DPY19L3: variants seen among roughly 807,000 people sequenced by gnomAD.
The protein encoded by DPY19L3 is dpy-19 like C-mannosyltransferase 3, also known as protein C-mannosyl-transferase DPY19L3.
Under a neutral mutation model 92.3 loss-of-function variants are expected in DPY19L3, and 51 were observed. That is an observed-to-expected ratio of 0.55 (90% CI 0.44 to 0.70). The LOEUF (loss-of-function observed/expected upper bound fraction) is 0.70, where lower values mean the gene tolerates loss of function less well. Among genes scored for constraint, DPY19L3 ranks in the 30% least tolerant of loss-of-function variants. The pLI is 0.00. For missense variants in DPY19L3, 706 were observed against 855.9 expected (o/e 0.82, Z 2.18); for synonymous variants, 309 against 315.2 (o/e 0.98, Z 0.21).
intron 3 of DPY19L3, among the ~76,000 whole-genome samples, chr19:32,418,066 C>G (rs1192521820): frequency 6.6e-6 from 1 of 152,110 alleles, no homozygotes. Context: ...GAGATTGTTT[C>G]AGGAGCGTGT....
chr19:32,468,873 C>A (rs938115132), intron 16 of DPY19L3, 60 bp downstream of exon 16: 2 of 1,511,776 alleles, frequency 1.3e-6, no homozygotes, highest in Non-Finnish European at 1.8e-6. Flanking sequence ...CACTATAGAC[C>A]ACATTTCGTT....
chr19:32,479,394 TG>T (rs1417683834), intron 17 of DPY19L3, among the ~76,000 whole-genome samples: 1 of 152,078 alleles, frequency 6.6e-6, no homozygotes, highest in African/African-American at 2.4e-5. Flanking sequence ...TCTCCTTTCC[TG>T]TCTCAGTACT....
chr19:32,443,193 C>T (rs569502569), intron 8 of DPY19L3, among the ~76,000 whole-genome samples: 4 of 152,280 alleles, frequency 2.6e-5, no homozygotes, highest in South Asian at 2.1e-4. Flanking sequence ...CTGTAGAGAG[C>T]CTGAACTTTC....
chr19:32,411,177 GA>G lies in DPY19L3; in HGVS notation c.104-60del. ...TTAGCTTACTTGATAATCTGAAGTA[GA>G]ACTATTACATTCTGATTTTTTTACT... is the stretch of plus-strand genomic sequence containing the variant. On this transcript the variant is annotated intron_variant, in intron 2 of 18. Coordinates refer to ENST00000392250, the MANE Select transcript of DPY19L3 (RefSeq NM_001172774.2). 3.9e-6 allele frequency: 6 copies of G among 1,520,234 alleles called. No homozygotes were observed. The South Asian group carries it at 6.2e-5, about 16-fold the overall frequency. The allele number at this position is 1,520,234 out of a possible 1,614,324, so 94.2% of individuals were successfully genotyped here.
chr19:32,434,192 C>T (rs1251514204), intron 4 of DPY19L3, among the ~76,000 whole-genome samples: 1 of 152,142 alleles, frequency 6.6e-6, no homozygotes, highest in Non-Finnish European at 1.5e-5. Flanking sequence ...CATTCATGGA[C>T]ACGTCCAGAG....
At chr19:32,405,965 G>C (rs1398304328) in intron 1 of DPY19L3, 56 bp downstream of exon 1, 1 of 151,296 alleles carries the variant, frequency 6.6e-6, no homozygotes, top group African/African-American at 2.4e-5. Context: ...GGGCGGGCGG[G>C]CGCCGGCGGA....
chr19:32,419,973 C>T (rs1292103666), intron 3 of DPY19L3, among the ~76,000 whole-genome samples: 1 of 151,514 alleles, frequency 6.6e-6, no homozygotes, highest in Non-Finnish European at 1.5e-5. Context: ...GGTTCTCCTG[C>T]CTCAGCCTCC....
At chr19:32,427,328 C>A (rs530183753) in intron 3 of DPY19L3, among the ~76,000 whole-genome samples, 1 of 152,144 alleles carries the variant, frequency 6.6e-6, no homozygotes, top group South Asian at 2.1e-4. Flanking sequence ...AAACATCTTT[C>A]GGTCAAATAC....
intron 8 of DPY19L3, among the ~76,000 whole-genome samples, chr19:32,448,324 A>G: frequency 6.6e-6 from 1 of 152,194 alleles, no homozygotes; most frequent in South Asian, 2.1e-4. Flanking sequence ...GACACGATCC[A>G]TTGAAGACAG....
intron 16 of DPY19L3, among the ~76,000 whole-genome samples, chr19:32,471,217 CTCTT>C (rs1970347890): frequency 1.3e-5 from 2 of 152,232 alleles, no homozygotes; most frequent in African/African-American, 4.8e-5. Flanking sequence ...GGCCTAAGGA[CTCTT>C]TCAGACGCAT....
chr19:32,459,579 A>T lies in DPY19L3; in HGVS notation c.1322+1070A>T, dbSNP rs115728413. Among the ~76,000 whole-genome samples, 340 of 152,328 alleles carry T rather than the reference A, an allele frequency of 2.2e-3. 2 individuals are homozygous for T. The highest frequency in any genetic ancestry group is 7.8e-3 in the African/African-American group (325 of 41,574). ...ATAAAATTTAGCCCTGTGAAAATAG[A>T]TGGAAATTATTCTGGACAGTGTGAT... is the stretch of plus-strand genomic sequence containing the variant. On this transcript the variant is annotated intron_variant, in intron 12 of 18. Transcript: ENST00000392250.
intron 4 of DPY19L3, among the ~76,000 whole-genome samples, chr19:32,435,361 TGAG>T (rs1489316671): frequency 1.3e-5 from 2 of 152,208 alleles, no homozygotes; most frequent in Non-Finnish European, 2.9e-5. Flanking sequence ...CACCTCCTAT[TGAG>T]GAACATCTGG....
intron 8 of DPY19L3, among the ~76,000 whole-genome samples, chr19:32,441,941 G>C (rs1969338757): frequency 6.6e-6 from 1 of 152,178 alleles, no homozygotes; most frequent in African/African-American, 2.4e-5. Context: ...GTTGGTATTA[G>C]AAGTAGTTTT....
At chr19:32,481,881 C>A (rs1970683368) in intron 18 of DPY19L3, 198 bp from the exon 19 acceptor site, 1 of 597,594 alleles carries the variant, frequency 1.7e-6, no homozygotes, top group Non-Finnish European at 2.9e-6. Flanking sequence ...GCTGCACTCT[C>A]CTTCTCAGCC....
At chr19:32,444,782 C>G (rs1182005409) in intron 8 of DPY19L3, among the ~76,000 whole-genome samples, 1 of 151,370 alleles carries the variant, frequency 6.6e-6, no homozygotes, top group African/African-American at 2.4e-5. Context: ...CAGTGAATTC[C>G]TCATCAAAAT....
chr19:32,432,681 G>T (rs1969008351), intron 3 of DPY19L3, 35 bp from the exon 4 acceptor site: 3 of 1,577,540 alleles, frequency 1.9e-6, no homozygotes, highest in Non-Finnish European at 2.6e-6. Context: ...ACAAAACTAG[G>T]TCACATAAAC....
At chr19:32,423,948 A>G (rs1968668111) in intron 3 of DPY19L3, among the ~76,000 whole-genome samples, 1 of 151,984 alleles carries the variant, frequency 6.6e-6, no homozygotes, top group South Asian at 2.1e-4. Flanking sequence ...AGGACACAGA[A>G]GTTATCATTA....
chr19:32,423,422 G>GTTTTTTTTTTTTTTTTTTTT (rs1599601418), intron 3 of DPY19L3, among the ~76,000 whole-genome samples: 6 of 48,548 alleles, frequency 1.2e-4, no homozygotes, highest in African/African-American at 1.5e-4. Flanking sequence ...TTTTTTTTTG[G>GTTTTTTTTTTTTTTTTTTTT]TATTTTTAGT....
rs562486835 is a variant in DPY19L3 at position 32,463,851 on chromosome 19, C to G, written c.1446-18C>G. On this transcript the variant is annotated intron_variant, in intron 13 of 18. Coordinates refer to ENST00000392250, the MANE Select transcript of DPY19L3 (RefSeq NM_001172774.2). ...TACAACTAGTACTTCTGACTTGCGC[C>G]TGTGTCTGTTCTTGCAGAATGAAGT... The G allele has an allele frequency of 1.5e-4, 234 of 1,602,348 alleles. 2 individuals carry two copies. The South Asian group carries it at 2.3e-3, about 15-fold the overall frequency.
Sources: gnomAD v4.1 joint callset for allele counts (sites outside exome capture counted in the v4.1 genomes callset) on GRCh38, gnomAD v4.1.1 for gene constraint, MANE v1.5 for transcripts, NCBI Gene and HGNC (gene_info 2026-07-23, HGNC 2026-07-21) for gene names.